The following FAM110A variants were observed in gnomAD, a reference collection of about 807,000 sequenced individuals.
FAM110A encodes the protein protein FAM110A.
Under a neutral mutation model 4.0 loss-of-function variants are expected in FAM110A, and 1 was observed. The ratio of observed to expected loss-of-function variants is 0.25; its 90% CI spans 0.09 to 1.20. The LOEUF (loss-of-function observed/expected upper bound fraction) is 1.20, where lower values mean the gene tolerates loss of function less well. FAM110A is among the 50% of genes most tolerant of loss of function. FAM110A has a pLI of 0.50. For missense variants in FAM110A, 436 were observed against 429.2 expected, an observed-to-expected ratio of 1.02 and a Z score of -0.14; for synonymous variants, 217 against 196.8, an observed-to-expected ratio of 1.10 and a Z score of -0.86.
In FAM110A at chr20:845,392, T is replaced by A. The variant is rs757848063; in HGVS notation, c.588T>A (p.Ser196=). The change falls in exon 2 of 2, where the codon TCT becomes TCA. Residue 196 remains serine (S), a synonymous_variant. Coordinates refer to ENST00000381941, the MANE Select transcript of FAM110A (RefSeq NM_001042353.3). Reference sequence around the variant, plus strand: ...AGTCGGACTTGAGCGAGCGCTTTTCTAGGGCAGCCGCTGATCTCGAGCGCT... The same window carrying A: ...AGTCGGACTTGAGCGAGCGCTTTTCAAGGGCAGCCGCTGATCTCGAGCGCT... ...RSKSDLSERF[S]RAAADLERFF... 3.7e-6 allele frequency: 6 copies of A among 1,613,316 alleles called. No individual in the cohort carries two copies. In the East Asian group the frequency reaches 1.3e-4, roughly 36 times the overall value.
At chr20:839,593 T>G in intron 1 of FAM110A, 5 of 1,032,470 alleles carry the variant, frequency 4.8e-6, no homozygotes, top group Non-Finnish European at 6.1e-6. Flanking sequence ...TCCCGTCTTG[T>G]GAGTCTTGCA....
chr20:843,012 C>T (rs1191925463), intron 1 of FAM110A, among the ~76,000 whole-genome samples: 2 of 152,136 alleles, frequency 1.3e-5, no homozygotes, highest in Non-Finnish European at 2.9e-5. Flanking sequence ...CACGCCTGCC[C>T]TCATGGAGCT....
intron 1 of FAM110A, among the ~76,000 whole-genome samples, chr20:844,497 T>A (rs1980131308): frequency 1.3e-5 from 2 of 150,962 alleles, no homozygotes; most frequent in African/African-American, 4.9e-5. Flanking sequence ...TGGTCTCAGC[T>A]GGGCCTGGTT....
At chr20:838,405 G>T (rs988386165) in intron 1 of FAM110A, among the ~76,000 whole-genome samples, 4 of 152,294 alleles carry the variant, frequency 2.6e-5, no homozygotes, top group South Asian at 2.1e-4. Context: ...CAGAACAGCC[G>T]GTTGTTCAAC....
At chr20:838,715 G>A (rs1979711778) in intron 1 of FAM110A, among the ~76,000 whole-genome samples, 1 of 152,180 alleles carries the variant, frequency 6.6e-6, no homozygotes, top group Non-Finnish European at 1.5e-5. Context: ...GGAACAGCAG[G>A]GAGGGCTTTG....
chr20:841,246 A>C (rs1273557964), intron 1 of FAM110A: 1 of 152,028 alleles, frequency 6.6e-6, no homozygotes, highest in Non-Finnish European at 1.5e-5. Context: ...GAAGTTGCGC[A>C]AACTCAGCTT....
Position 833,757 on chromosome 20 carries a change from G to C in FAM110A, c.-292G>C, listed in dbSNP as rs1979432149. ...GCCCCAGGGACTTTCCCTGCGGTGGGGGCCTTCGACAGTGAGGGCCACCCG... is the reference window on the plus strand; with the variant it reads ...GCCCCAGGGACTTTCCCTGCGGTGGCGGCCTTCGACAGTGAGGGCCACCCG... On this transcript the variant is annotated 5_prime_UTR_variant, in exon 1 of 2. Transcript: ENST00000381941. This position sits in a 1 kb window ranked among gnomAD's most constrained non-coding sequence, Gnocchi z 4.1. 1 of 152,218 alleles carries C rather than the reference G, an allele frequency of 6.6e-6. No individual in the cohort carries two copies. The highest frequency in any genetic ancestry group is 1.5e-5 in the Non-Finnish European group (1 of 68,054). 9.4% of individuals were successfully genotyped at this position (152,218 alleles called of 1,614,324 possible). A position where few individuals can be genotyped will look rare whatever the true frequency, so the allele number is the denominator to read the frequency against.
rs753529401 is a variant in FAM110A, at chr20:845,120, A to G, written c.316A>G (p.Ile106Val). 3.8e-6 allele frequency: 6 copies of G among 1,588,022 alleles called. No homozygotes were observed. In the South Asian group the frequency reaches 4.5e-5, roughly 12 times the overall value. Residue 106 changes from isoleucine to valine, a missense_variant, in exon 2 of 2, where the codon ATC (isoleucine) becomes GTC (valine). Transcript: ENST00000381941. ...CCGACGGCCCCAGCTGGACCTGGACATCCTCAGCAGCCTCATCGACTTGTG... is the reference window on the plus strand; with the variant it reads ...CCGACGGCCCCAGCTGGACCTGGACGTCCTCAGCAGCCTCATCGACTTGTG... ...PCRRPQLDLD[I>V]LSSLIDLCDS...
chr20:842,998 C>T (rs1158991129), intron 1 of FAM110A, among the ~76,000 whole-genome samples: 1 of 152,134 alleles, frequency 6.6e-6, no homozygotes, highest in Non-Finnish European at 1.5e-5. Context: ...CGCCCCTACA[C>T]ACACACGCCT....
At position 845,586 on chromosome 20, in the gene FAM110A, G is replaced by A. The variant is rs1321633540; in HGVS notation, c.782G>A (p.Arg261Gln). The A allele has an allele frequency of 5.6e-6, 9 of 1,613,910 alleles. No individual in the cohort carries two copies. The highest frequency in any genetic ancestry group is 1.7e-5 in the Admixed American group (1 of 60,012). The change falls in exon 2 of 2, where the codon CGG (arginine) becomes CAG (glutamine). Residue 261 changes from arginine (R) to glutamine (Q), a missense_variant. Transcript: ENST00000381941. ...TCGGTGACTGTTGAGGAGCGGGCCC[G>A]GGAGCGCGTTCCCTATGGCGTGTCG... Reference protein sequence around the residue: ...RSSVTVEERARERVPYGVSVV... With the variant: ...RSSVTVEERAQERVPYGVSVV...
At chr20:839,369 A>G in intron 1 of FAM110A, 1 of 529,922 alleles carries the variant, frequency 1.9e-6, no homozygotes, top group South Asian at 1.6e-5. Context: ...GTCTGGTACA[A>G]AGAAAGTGCT....
At position 845,104 on chromosome 20, in the gene FAM110A, C is replaced by A; in HGVS notation, c.300C>A (p.Pro100=). Residue 100 remains proline (P), a synonymous_variant, in exon 2 of 2, where the codon CCC becomes CCA. Coordinates refer to ENST00000381941, the MANE Select transcript of FAM110A (RefSeq NM_001042353.3). ...CCCTGCCTGGCCCCTGCCGACGGCC[C>A]CAGCTGGACCTGGACATCCTCAGCA... is the stretch of plus-strand genomic sequence containing the variant. The part of the protein sequence containing the change: ...RRALPGPCRR[P]QLDLDILSSL... 6.3e-7 allele frequency: 1 copy of A among 1,594,084 alleles called. No individual in the cohort carries two copies. The highest frequency in any genetic ancestry group is 8.5e-7 in the Non-Finnish European group (1 of 1,171,560).
At chr20:837,113 C>A (rs555127103) in intron 1 of FAM110A, among the ~76,000 whole-genome samples, 1 of 138,342 alleles carries the variant, frequency 7.2e-6, no homozygotes, top group Non-Finnish European at 1.5e-5. Flanking sequence ...AGTGCAGTGG[C>A]GCCATCTCGG....
intron 1 of FAM110A, among the ~76,000 whole-genome samples, chr20:838,195 AAAG>A (rs1422411661): frequency 6.6e-6 from 1 of 152,172 alleles, no homozygotes; most frequent in Non-Finnish European, 1.5e-5. Flanking sequence ...AAAAAAGAAA[AAAG>A]AAGCCTTCTG....
chr20:841,905 C>A (rs1181391846), intron 1 of FAM110A, among the ~76,000 whole-genome samples: 1 of 152,226 alleles, frequency 6.6e-6, no homozygotes, highest in Non-Finnish European at 1.5e-5. Flanking sequence ...CTTGGGCCTG[C>A]TTTGTCCGCG....
At chr20:836,644 G>C (rs1256916057) in intron 1 of FAM110A, among the ~76,000 whole-genome samples, 2 of 152,194 alleles carry the variant, frequency 1.3e-5, no homozygotes, top group African/African-American at 4.8e-5. Context: ...TTTGGCTGTT[G>C]TGACTAATGC....
chr20:846,086 T>A lies in FAM110A; in HGVS notation c.*394T>A, dbSNP rs907896717. ...TCCTTCCTTCCTTGGCCTCTGTCCT[T>A]TGCTGACTTCCTCTTCCTTACCCAG... is the stretch of plus-strand genomic sequence containing the variant. On this transcript the variant is annotated 3_prime_UTR_variant, in exon 2 of 2. Coordinates refer to ENST00000381941, the MANE Select transcript of FAM110A (RefSeq NM_001042353.3). 3.3e-5 allele frequency: 8 copies of A among 242,574 alleles called. No individual in the cohort carries two copies. Among genetic ancestry groups the A allele is most frequent in the Non-Finnish European group, 6.1e-5 (7 of 113,842 alleles). The allele number at this position is 242,574 out of a possible 1,614,324, so 15.0% of individuals were successfully genotyped here.
At position 845,607 on chromosome 20, in the gene FAM110A, T is replaced by C. The variant is rs1476674294; in HGVS notation, c.803T>C (p.Val268Ala). The change falls in exon 2 of 2, where the codon GTG (valine) becomes GCG (alanine). Residue 268 changes from valine (V) to alanine (A), a missense_variant. Physicochemically the swap from Val to Ala is moderately conservative, Grantham distance 64. Coordinates refer to ENST00000381941, the MANE Select transcript of FAM110A (RefSeq NM_001042353.3). ...ERARERVPYGVSVVERNARVI... is the reference protein window; with the variant it reads ...ERARERVPYGASVVERNARVI... ...GCCCGGGAGCGCGTTCCCTATGGCG[T>C]GTCGGTGGTGGAGCGCAATGCCCGC... 5.6e-6 allele frequency: 9 copies of C among 1,613,866 alleles called. No homozygotes were observed. The highest frequency in any genetic ancestry group is 7.6e-6 in the Non-Finnish European group (9 of 1,180,012).
rs757995617 is a variant in FAM110A at position 835,200 on chromosome 20, C to CTCTCTATA, written c.-98+1250_-98+1251insCTCTATAT. 9.3e-4 allele frequency among the ~76,000 whole-genome samples: 131 copies of CTCTCTATA among 140,542 alleles called. 1 individual carries two copies. Among genetic ancestry groups the CTCTCTATA allele is most frequent in the African/African-American group, 3.1e-3 (115 of 37,176 alleles). The allele number at this position is 140,542 out of a possible 152,430, so 92.2% of individuals were successfully genotyped here. A position where few individuals can be genotyped will look rare whatever the true frequency, so the allele number is the denominator to read the frequency against. On this transcript the variant is annotated intron_variant, in intron 1 of 1. Transcript: ENST00000381941. The stretch of plus-strand genomic sequence containing the variant: ...TCTCTCTCTCTCTCTCTCTCTCTCT[C>CTCTCTATA]TATATATATATATACACACACACAT...
Sources: allele counts gnomAD v4.1 joint callset (sites outside exome capture counted in the v4.1 genomes callset), GRCh38; gene constraint gnomAD v4.1.1; non-coding constraint Gnocchi (gnomAD v3.1); transcripts MANE v1.5; gene names NCBI Gene and HGNC (gene_info 2026-07-23, HGNC 2026-07-21).